TRA2A: variants seen among roughly 807,000 people sequenced by gnomAD.
TRA2A encodes transformer-2 protein homolog alpha.
Under a neutral mutation model 45.7 loss-of-function variants are expected in TRA2A, and 31 were observed. That is an observed-to-expected ratio of 0.68 (90% confidence interval 0.51 to 0.92). TRA2A has a LOEUF of 0.92. Ranked by LOEUF, TRA2A falls within the 40% of genes least tolerant of loss-of-function variation. The probability of loss-of-function intolerance (pLI) is 0.00; values close to 1 mark genes in which losing one functional copy is unlikely to be tolerated. For missense variants in TRA2A, 304 were observed against 367.5 expected, an observed-to-expected ratio of 0.83 and a Z score of 1.41; for synonymous variants, 132 against 126.2, an observed-to-expected ratio of 1.05 and a Z score of -0.31.
At chr7:23,507,210 T>A (rs2127990700) in intron 5 of TRA2A, 1 of 521,414 alleles carries the variant, frequency 1.9e-6, no homozygotes, top group Admixed American at 3.1e-5. Flanking sequence ...AAGTGATTCC[T>A]GTGCCTCAGC....
chr7:23,511,376 A>G, intron 4 of TRA2A, among the ~76,000 whole-genome samples: 1 of 18,856 alleles, frequency 5.3e-5, no homozygotes, highest in African/African-American at 3.9e-4. Context: ...ATCTCAAAAA[A>G]AAAAAAAAAA....
At chr7:23,513,830 T>G (rs1789737970) in intron 3 of TRA2A, among the ~76,000 whole-genome samples, 1 of 152,098 alleles carries the variant, frequency 6.6e-6, no homozygotes, top group African/African-American at 2.4e-5. Context: ...CTGATTTGTC[T>G]TGATTGGCTA....
rs563001575 is a variant in TRA2A at position 23,531,941 on chromosome 7, G to A, written c.-117C>T. 117 of 1,121,482 alleles carry A rather than the reference G, an allele frequency of 1.0e-4. No homozygotes were observed. The highest frequency in any genetic ancestry group is 1.5e-4 in the Non-Finnish European group (113 of 763,050). 69.5% of individuals were successfully genotyped at this position (1,121,482 alleles called of 1,614,324 possible). A position where few individuals can be genotyped will look rare whatever the true frequency, so the allele number is the denominator to read the frequency against. On this transcript the variant is annotated 5_prime_UTR_variant, in exon 1 of 8. Coordinates refer to ENST00000297071, the MANE Select transcript of TRA2A (RefSeq NM_013293.5). ...GAGGAAAGAGTCGGCAACCACAGCC[G>A]CTCCACTCCACTCCCACTCGGTCGC...
intron 4 of TRA2A, among the ~76,000 whole-genome samples, chr7:23,509,507 G>A (rs910342866): frequency 6.6e-6 from 1 of 152,128 alleles, no homozygotes; most frequent in Non-Finnish European, 1.5e-5. Flanking sequence ...AGGCCAAGAT[G>A]GGGGGATCAT....
Position 23,513,082 on chromosome 7 carries a change from C to T in TRA2A, c.337G>A (p.Ala113Thr). 1 of 1,573,292 alleles carries T rather than the reference C, an allele frequency of 6.4e-7. No homozygotes were observed. Among genetic ancestry groups the T allele is most frequent in the Non-Finnish European group, 8.6e-7 (1 of 1,162,102 alleles). The part of the protein sequence containing the change: ...SNRRRHTGSR[A>T]NPDPNTCLGV... ...AGGCAAGTGTTGGGATCTGGATTTG[C>T]CTATTGAATGGAAATATTATTTAAA... The change falls in exon 4 of 8, where the codon GCA (alanine) becomes ACA (threonine). Residue 113 changes from alanine (A) to threonine (T), a missense_variant and splice_region_variant. By Grantham distance (58) the Ala-to-Thr change is moderately conservative. This residue lies in a region of TRA2A where 130 missense variants were observed against 217.1 expected (regional missense o/e 0.60). Transcript: ENST00000297071.
intron 1 of TRA2A, among the ~76,000 whole-genome samples, chr7:23,529,426 A>G (rs1790475734): frequency 6.6e-6 from 1 of 152,090 alleles, no homozygotes; most frequent in Admixed American, 6.6e-5. Flanking sequence ...ACGCCCGGCT[A>G]ATTTTGTATT....
chr7:23,507,971 C>A (rs1359566916), intron 4 of TRA2A, among the ~76,000 whole-genome samples: 6 of 152,110 alleles, frequency 3.9e-5, no homozygotes, highest in Non-Finnish European at 5.9e-5. Context: ...TTCTAGTCTC[C>A]AGCGATTTCA....
chr7:23,531,319 G>T, intron 1 of TRA2A: 1 of 900,642 alleles, frequency 1.1e-6, no homozygotes, highest in Non-Finnish European at 1.3e-6. Context: ...TCCCACGCCA[G>T]CTTCTCCCCG....
chr7:23,510,621 G>A (rs988824199), intron 4 of TRA2A, among the ~76,000 whole-genome samples: 8 of 152,262 alleles, frequency 5.3e-5, no homozygotes, highest in African/African-American at 1.7e-4. Flanking sequence ...GAGCCACTGT[G>A]CCCGGCCTGC....
intron 2 of TRA2A, among the ~76,000 whole-genome samples, chr7:23,518,328 G>A (rs1039452003): frequency 6.6e-6 from 1 of 151,388 alleles, no homozygotes; most frequent in African/African-American, 2.4e-5. Flanking sequence ...CCACCTAAAT[G>A]CCCATCAAAA....
intron 6 of TRA2A, 98 bp downstream of exon 6, chr7:23,506,040 T>C: frequency 8.9e-7 from 1 of 1,125,808 alleles, no homozygotes; most frequent in Non-Finnish European, 1.3e-6. Flanking sequence ...TGATCTATTT[T>C]AAAAATCAAG....
chr7:23,525,238 T>C (rs752970869), intron 1 of TRA2A, among the ~76,000 whole-genome samples: 7 of 152,234 alleles, frequency 4.6e-5, no homozygotes, highest in Admixed American at 2.6e-4. Flanking sequence ...GTCTTCATTA[T>C]GAAATAATTT....
chr7:23,507,127 T>A (rs1359121572), intron 5 of TRA2A: 1 of 294,696 alleles, frequency 3.4e-6, no homozygotes, highest in Admixed American at 4.8e-5. Context: ...CCCCTACTTA[T>A]GTTTTTTTTC....
chr7:23,507,294 G>T (rs1395992837), intron 5 of TRA2A, 126 bp downstream of exon 5: 2 of 708,322 alleles, frequency 2.8e-6, no homozygotes, highest in African/African-American at 1.8e-5. Context: ...GTAGAAGCAG[G>T]GTTTTGCCAT....
At chr7:23,516,578 G>T in intron 2 of TRA2A, 50 bp from the exon 3 acceptor site, 1 of 1,557,506 alleles carries the variant, frequency 6.4e-7, no homozygotes, top group Non-Finnish European at 8.8e-7. Context: ...AATGGCTAAA[G>T]TCCTTCCCTC....
intron 2 of TRA2A, among the ~76,000 whole-genome samples, chr7:23,516,889 C>A (rs1266166317): frequency 1.3e-5 from 2 of 151,608 alleles, no homozygotes; most frequent in South Asian, 4.2e-4. Context: ...GCGAGCAGAT[C>A]GCGAGATCAA....
chr7:23,505,520 A>T lies in TRA2A; in HGVS notation c.*39T>A. 2.0e-6 allele frequency: 1 copy of T among 507,038 alleles called. No individual in the cohort carries two copies. The highest frequency in any genetic ancestry group is 3.5e-6 in the Non-Finnish European group (1 of 282,454). 31.4% of individuals were successfully genotyped at this position (507,038 alleles called of 1,614,324 possible). ...AGAATTAAAAAAAAAAAAAAAAAAAAGAGGAAAAAAAATGTCCTTAATTGC... is the reference window on the plus strand; with the variant it reads ...AGAATTAAAAAAAAAAAAAAAAAAATGAGGAAAAAAAATGTCCTTAATTGC... On this transcript the variant is annotated 3_prime_UTR_variant, in exon 8 of 8. Transcript: ENST00000297071.
chr7:23,521,572 A>G, intron 2 of TRA2A, 135 bp downstream of exon 2: 2 of 1,014,674 alleles, frequency 2.0e-6, no homozygotes. Flanking sequence ...TATAGTATTC[A>G]TTTACAAAGA....
chr7:23,521,612 C>A, intron 2 of TRA2A, 95 bp downstream of exon 2: 1 of 1,416,740 alleles, frequency 7.1e-7, no homozygotes, highest in Non-Finnish European at 9.8e-7. Flanking sequence ...AATTTTGAGT[C>A]TTTCGTGAAA....
Sources: allele counts gnomAD v4.1 joint callset (sites outside exome capture counted in the v4.1 genomes callset), GRCh38; gene constraint gnomAD v4.1.1; regional missense constraint gnomAD v4.1.1; transcripts MANE v1.5; gene names NCBI Gene and HGNC (gene_info 2026-07-23, HGNC 2026-07-21).